CFAP74: variants seen among roughly 807,000 people sequenced by gnomAD.
CFAP74 encodes cilia and flagella associated protein 74.
Under a neutral mutation model 188.9 loss-of-function variants are expected in CFAP74, and 124 were observed. The observed-to-expected ratio is 0.66, with a 90% confidence interval of 0.57 to 0.76. The LOEUF is 0.76. Among genes scored for constraint, CFAP74 ranks in the 30% least tolerant of loss-of-function variants. The pLI is 0.00. For missense variants in CFAP74, 2,198 were observed against 2,165.2 expected, an observed-to-expected ratio of 1.02 and a Z score of -0.30; for synonymous variants, 956 against 916.7, an observed-to-expected ratio of 1.04 and a Z score of -0.77.
At chr1:1,991,849 C>G (rs1022394833) in intron 1 of CFAP74, among the ~76,000 whole-genome samples, 12 of 151,852 alleles carry the variant, frequency 7.9e-5, no homozygotes, top group East Asian at 1.9e-4. Context: ...ACTATCCTGG[C>G]TAGCACAGTG....
At chr1:1,932,537 A>G (rs926414479) in intron 25 of CFAP74, among the ~76,000 whole-genome samples, 2 of 151,746 alleles carry the variant, frequency 1.3e-5, no homozygotes, top group Non-Finnish European at 2.9e-5. Context: ...ACTCACTAAA[A>G]TTATTTTTGA....
chr1:1,929,014 G>A (rs555216228), intron 26 of CFAP74, 132 bp from the exon 27 acceptor site: 202 of 627,942 alleles, frequency 3.2e-4, no homozygotes, highest in South Asian at 1.1e-3. Flanking sequence ...TTCAGGCTGC[G>A]TGCCCCTTCA....
chr1:1,933,193 T>C (rs1652561573), intron 25 of CFAP74, among the ~76,000 whole-genome samples: 1 of 148,958 alleles, frequency 6.7e-6, no homozygotes, highest in African/African-American at 2.5e-5. Context: ...ACCTTTTTTT[T>C]TTTTTTTTTG....
chr1:1,945,221 C>T (rs1318308715), intron 20 of CFAP74, among the ~76,000 whole-genome samples: 12 of 152,024 alleles, frequency 7.9e-5, no homozygotes, highest in African/African-American at 1.7e-4. Flanking sequence ...GTGGGAGAAT[C>T]GCTTGAACCC....
intron 18 of CFAP74, among the ~76,000 whole-genome samples, chr1:1,948,592 TTG>T (rs1570888841): frequency 2.3e-5 from 1 of 43,770 alleles, no homozygotes; most frequent in East Asian, 6.9e-4. Context: ...TCCTTTCTTC[TTG>T]TTTTTTTTTT....
intron 18 of CFAP74, chr1:1,954,539 T>C (rs893385757): frequency 6.3e-6 from 1 of 158,848 alleles, no homozygotes; most frequent in Non-Finnish European, 1.4e-5. Context: ...ATCCAGCACC[T>C]TGGGAGGCTG....
intron 6 of CFAP74, 134 bp downstream of exon 6, chr1:1,985,252 T>C: frequency 1.5e-6 from 1 of 685,538 alleles, no homozygotes; most frequent in Non-Finnish European, 2.6e-6. Flanking sequence ...ATTCACCGAG[T>C]CCCCTTTCCA....
chr1:1,951,306 C>G (rs79051250), intron 18 of CFAP74, among the ~76,000 whole-genome samples: 4 of 152,114 alleles, frequency 2.6e-5, no homozygotes, highest in East Asian at 1.9e-4. Flanking sequence ...TCTCTCCACA[C>G]GTGGGGATTA....
intron 1 of CFAP74, among the ~76,000 whole-genome samples, chr1:1,991,776 A>T (rs933274335): frequency 2.2e-4 from 34 of 152,242 alleles, no homozygotes; most frequent in African/African-American, 8.2e-4. Flanking sequence ...GTGGTGGCTC[A>T]CACCTGTAAT....
chr1:1,923,644 C>G lies in CFAP74; in HGVS notation c.4389+131G>C, dbSNP rs1399583690. ...GGACTCTGGTCTTTCCACTGACGGC[C>G]CTCAGTGTGGTGCTGAGTCCCCCAG... On this transcript the variant is annotated intron_variant, in intron 35 of 38. Transcript: ENST00000682832. The surrounding 1 kb of genome is among the most constrained non-coding windows in gnomAD (Gnocchi z 6.3). The G allele has an allele frequency of 2.6e-6, 4 of 1,529,524 alleles. No homozygotes were observed. The highest frequency in any genetic ancestry group is 4.5e-5 in the East Asian group (2 of 44,318). 94.7% of individuals were successfully genotyped at this position (1,529,524 alleles called of 1,614,324 possible).
chr1:1,971,350 C>T (rs1416881018), intron 9 of CFAP74, among the ~76,000 whole-genome samples: 1 of 151,898 alleles, frequency 6.6e-6, no homozygotes, highest in Non-Finnish European at 1.5e-5. Flanking sequence ...CGTGCACACA[C>T]ATGCACACCT....
At chr1:1,934,563 ACG>A (rs796515468) in intron 25 of CFAP74, among the ~76,000 whole-genome samples, 8 of 149,888 alleles carry the variant, frequency 5.3e-5, no homozygotes, top group African/African-American at 2.0e-4. Context: ...GTAGGTACAC[ACG>A]TGTGTACGTG....
intron 1 of CFAP74, among the ~76,000 whole-genome samples, chr1:2,000,808 C>G (rs1176066395): frequency 1.3e-5 from 2 of 152,134 alleles, no homozygotes; most frequent in Non-Finnish European, 2.9e-5. Flanking sequence ...ACAGGCATCA[C>G]TGTAAGTCCA....
Position 1,970,905 on chromosome 1 carries a change from A to T in CFAP74, c.889-89T>A, listed in dbSNP as rs1207578002. 13 of 1,510,344 alleles carry T rather than the reference A, an allele frequency of 8.6e-6. No individual in the cohort carries two copies. In the African/African-American group the frequency reaches 1.8e-4, roughly 21 times the overall value. 93.6% of individuals were successfully genotyped at this position (1,510,344 alleles called of 1,614,324 possible). ...CCTGCACATGTGCACACACAGGTTCATACATGCACACGTGCACACACGTGC... is the reference window on the plus strand; with the variant it reads ...CCTGCACATGTGCACACACAGGTTCTTACATGCACACGTGCACACACGTGC... On this transcript the variant is annotated intron_variant, in intron 9 of 38. Transcript: ENST00000682832.
chr1:1,924,749 G>T (rs1023725490), intron 33 of CFAP74, among the ~76,000 whole-genome samples: 2 of 152,200 alleles, frequency 1.3e-5, no homozygotes, highest in Admixed American at 6.5e-5. Context: ...CCTGCCTAGG[G>T]TGCGTGGACA....
chr1:1,998,641 G>T (rs995631396), intron 1 of CFAP74, among the ~76,000 whole-genome samples: 1 of 152,198 alleles, frequency 6.6e-6, no homozygotes, highest in African/African-American at 2.4e-5. Context: ...TTGGGAGGCC[G>T]AGGTGGGCAG....
At chr1:1,985,202 T>G (rs771339217) in intron 6 of CFAP74, 184 bp downstream of exon 6, 1 of 546,458 alleles carries the variant, frequency 1.8e-6, no homozygotes, top group Non-Finnish European at 3.3e-6. Flanking sequence ...CCAGAGAAAC[T>G]GAAAAAGGCA....
At chr1:1,934,002 G>C (rs1026876463) in intron 25 of CFAP74, among the ~76,000 whole-genome samples, 4 of 152,204 alleles carry the variant, frequency 2.6e-5, no homozygotes, top group African/African-American at 9.7e-5. Flanking sequence ...TGGTGCCCAT[G>C]AGGATCAGTC....
chr1:1,962,071 G>A (rs1452449180), intron 14 of CFAP74, among the ~76,000 whole-genome samples: 2 of 152,178 alleles, frequency 1.3e-5, no homozygotes, highest in East Asian at 3.9e-4. Context: ...CGCGGGAGTG[G>A]AAACTCCTGA....
Sources: allele counts gnomAD v4.1 joint callset (sites outside exome capture counted in the v4.1 genomes callset), GRCh38; gene constraint gnomAD v4.1.1; non-coding constraint Gnocchi (gnomAD v3.1); transcripts MANE v1.5; gene names NCBI Gene and HGNC (gene_info 2026-07-23, HGNC 2026-07-21).